Variants in DNAH6 observed in about 807,000 individuals in gnomAD.
The protein encoded by DNAH6 is axonemal beta dynein heavy chain 6.
In DNAH6, 340 loss-of-function variants were observed where a neutral mutation model predicts 491.4. The ratio of observed to expected loss-of-function variants is 0.69; its 90% CI spans 0.63 to 0.76. The LOEUF (loss-of-function observed/expected upper bound fraction) is 0.76. Among genes scored for constraint, DNAH6 ranks in the 30% least tolerant of loss-of-function variants. The pLI is 0.00. For missense variants in DNAH6, 4,443 were observed against 4,972.2 expected (o/e 0.89, Z 3.20); for synonymous variants, 1,603 against 1,686.1 (o/e 0.95, Z 1.21).
In DNAH6 at chr2:84,819,458, A is replaced by G; in HGVS notation, c.*50A>G. The G allele has an allele frequency of 8.2e-7, 1 of 1,213,332 alleles. No homozygotes were observed. The highest frequency in any genetic ancestry group is 1.2e-6 in the Non-Finnish European group (1 of 855,560). 75.2% of individuals were successfully genotyped at this position (1,213,332 alleles called of 1,614,324 possible). On this transcript the variant is annotated 3_prime_UTR_variant, in exon 77 of 77. Transcript: ENST00000389394. ...AAGAACCAGGCCAGAGATCTTTCCT[A>G]ATGGGAGCAAAAGGTTTGAATAATT...
chr2:84,817,864 G>C (rs1389045314), intron 76 of DNAH6, among the ~76,000 whole-genome samples: 1 of 152,082 alleles, frequency 6.6e-6, no homozygotes, highest in Non-Finnish European at 1.5e-5. Flanking sequence ...AGCAGCTCTC[G>C]CAAGAACTAA....
At chr2:84,502,277 C>CTCCTAATT in the DNAH6 span, among the ~76,000 whole-genome samples, 18 of 152,110 alleles carry the variant, frequency 1.2e-4, no homozygotes, top group Non-Finnish European at 2.5e-4. Context: ...TCTTCATTGA[C>CTCCTAATT]TCCTGGTCAT....
At chr2:84,548,999 A>G (rs958815597) in intron 8 of DNAH6, among the ~76,000 whole-genome samples, 1 of 152,180 alleles carries the variant, frequency 6.6e-6, no homozygotes, top group Non-Finnish European at 1.5e-5. Context: ...ACAAAGGTGC[A>G]CCCAATCCCT....
intron 35 of DNAH6, 123 bp downstream of exon 35, chr2:84,654,905 C>G: frequency 9.8e-7 from 1 of 1,020,806 alleles, no homozygotes; most frequent in South Asian, 1.7e-5. Context: ...ATTATTTTAC[C>G]TAGTCCTCCC....
chr2:84,579,566 G>C lies in DNAH6; in HGVS notation c.2116G>C (p.Val706Leu). The C allele has an allele frequency of 2.5e-6, 4 of 1,613,842 alleles. No homozygotes were observed. Among genetic ancestry groups the C allele is most frequent in the Middle Eastern group, 1.6e-4 (1 of 6,062 alleles). ...FMLPRQSKKK[V>L]DAIIFEAQDA... ...GCTTCCTCGTCAAAGCAAGAAAAAAGTGGATGCCATTATCTTTGAGGCACA... is the reference window on the plus strand; with the variant it reads ...GCTTCCTCGTCAAAGCAAGAAAAAACTGGATGCCATTATCTTTGAGGCACA... Residue 706 changes from valine to leucine, a missense_variant, in exon 14 of 77, where the codon GTG becomes CTG. Coordinates refer to ENST00000389394, the MANE Select transcript of DNAH6 (RefSeq NM_001370.2).
At chr2:84,750,168 G>T (rs984079420) in intron 63 of DNAH6, among the ~76,000 whole-genome samples, 8 of 147,522 alleles carry the variant, frequency 5.4e-5, no homozygotes, top group Admixed American at 5.4e-4. Context: ...TGTGATTATG[G>T]TTTTTTTGTT....
the DNAH6 span, among the ~76,000 whole-genome samples, chr2:84,511,221 C>T: frequency 2.6e-5 from 4 of 152,314 alleles, no homozygotes; most frequent in South Asian, 8.3e-4. Flanking sequence ...TGGGCTCCAC[C>T]CAGTTCGAGC....
chr2:84,651,535 G>C (rs1331627453), intron 33 of DNAH6, among the ~76,000 whole-genome samples: 1 of 151,782 alleles, frequency 6.6e-6, no homozygotes, highest in Admixed American at 6.6e-5. Flanking sequence ...TTGCTGGGCT[G>C]CCCCTTTCCT....
At chr2:84,731,259 T>G (rs1179136970) in intron 61 of DNAH6, among the ~76,000 whole-genome samples, 1 of 152,152 alleles carries the variant, frequency 6.6e-6, no homozygotes, top group Non-Finnish European at 1.5e-5. Flanking sequence ...AAGGGCCATA[T>G]TCCTGGAAAG....
rs748398851 is a variant in DNAH6 at position 84,806,105 on chromosome 2, C to T, written c.11611+311C>T. ...TGCTGTGGAAGAAAATAGCCACTAG[C>T]CAATATGGCTACCTAAATTTAAACT... On this transcript the variant is annotated intron_variant, in intron 71 of 76. Coordinates refer to ENST00000389394, the MANE Select transcript of DNAH6 (RefSeq NM_001370.2). Among the ~76,000 whole-genome samples the T allele has an allele frequency of 2.8e-4, 43 of 152,140 alleles. 1 individual carries two copies. The highest frequency in any genetic ancestry group is 5.7e-4 in the Non-Finnish European group (39 of 68,028).
chr2:84,810,864 C>T (rs1679900831), intron 72 of DNAH6, among the ~76,000 whole-genome samples: 1 of 152,194 alleles, frequency 6.6e-6, no homozygotes, highest in Non-Finnish European at 1.5e-5. Flanking sequence ...GTGTTGGCTG[C>T]CTCCTTTGGG....
intron 41 of DNAH6, among the ~76,000 whole-genome samples, chr2:84,677,851 CA>C (rs1693402223): frequency 6.6e-6 from 1 of 152,102 alleles, no homozygotes; most frequent in Admixed American, 6.5e-5. Context: ...CAGGGAGGAA[CA>C]GATCTTAGGA....
intron 46 of DNAH6, among the ~76,000 whole-genome samples, chr2:84,696,487 A>G (rs1179474137): frequency 1.3e-5 from 2 of 152,002 alleles, no homozygotes; most frequent in Non-Finnish European, 1.5e-5. Context: ...CAAAAATTAG[A>G]AACTACACAA....
intron 4 of DNAH6, among the ~76,000 whole-genome samples, chr2:84,538,690 A>G (rs572234135): frequency 2.0e-5 from 3 of 152,254 alleles, no homozygotes; most frequent in South Asian, 2.1e-4. Flanking sequence ...TAGGATTCCA[A>G]TTAGAATCTT....
At chr2:84,648,379 T>C (rs1690098434) in intron 33 of DNAH6, among the ~76,000 whole-genome samples, 1 of 152,220 alleles carries the variant, frequency 6.6e-6, no homozygotes, top group African/African-American at 2.4e-5. Flanking sequence ...GAAACATATT[T>C]TGTGATGCTC....
chr2:84,803,427 G>A (rs565370739), intron 70 of DNAH6, among the ~76,000 whole-genome samples: 106 of 152,220 alleles, frequency 7.0e-4, no homozygotes, highest in African/African-American at 2.4e-3. Context: ...TAACAAATGT[G>A]CACGTGTACC....
At chr2:84,741,061 G>A (rs955313934) in intron 62 of DNAH6, among the ~76,000 whole-genome samples, 7 of 152,288 alleles carry the variant, frequency 4.6e-5, no homozygotes, top group Admixed American at 2.6e-4. Flanking sequence ...CCTCTCAGGC[G>A]AGCAGCATGG....
At chr2:84,553,366 TTTCTTTCTTTC>T (rs1434677257) in intron 10 of DNAH6, among the ~76,000 whole-genome samples, 187 of 9,388 alleles carry the variant, frequency 0.02, no homozygotes, top group African/African-American at 0.071. Flanking sequence ...TTTCTTTTCT[TTTCTTTCTTTC>T]TTTCTTTCTT....
intron 59 of DNAH6, among the ~76,000 whole-genome samples, chr2:84,721,353 C>A (rs1343307116): frequency 6.6e-6 from 1 of 152,102 alleles, no homozygotes; most frequent in African/African-American, 2.4e-5. Context: ...CCCTTCAGCT[C>A]CCTAAGGGGT....
Sources: gnomAD v4.1 joint callset for allele counts (sites outside exome capture counted in the v4.1 genomes callset) on GRCh38, gnomAD v4.1.1 for gene constraint, MANE v1.5 for transcripts, NCBI Gene and HGNC (gene_info 2026-07-23, HGNC 2026-07-21) for gene names.